Variants in C1orf94 observed in about 807,000 individuals in gnomAD.
C1orf94 encodes the protein uncharacterized protein C1orf94.
A neutral mutation model predicts 53.6 loss-of-function variants in C1orf94; 45 were observed. The observed-to-expected ratio is 0.84, with a 90% CI of 0.66 to 1.08. C1orf94 has a LOEUF of 1.08. Ranked by LOEUF, C1orf94 falls within the 50% of genes least tolerant of loss-of-function variation. C1orf94 has a pLI of 0.00. For synonymous variants in C1orf94, 304 were observed against 296.1 expected (o/e 1.03, Z -0.27); for missense variants, 762 against 738.9 (o/e 1.03, Z -0.36).
chr1:34,180,434 G>A (rs72667783), intron 1 of C1orf94, among the ~76,000 whole-genome samples: 10,395 of 152,198 alleles, frequency 0.068, 546 homozygotes, highest in South Asian at 0.11. Context: ...GTGCCATTCT[G>A]GTTTCAATTG....
chr1:34,212,893 C>T (rs1350891454), intron 6 of C1orf94, among the ~76,000 whole-genome samples: 1 of 152,192 alleles, frequency 6.6e-6, no homozygotes, highest in Non-Finnish European at 1.5e-5. Flanking sequence ...GCTGCCCACA[C>T]TTTTCCACCA....
At chr1:34,213,563 G>A (rs1307682001) in intron 6 of C1orf94, among the ~76,000 whole-genome samples, 3 of 151,934 alleles carry the variant, frequency 2.0e-5, no homozygotes, top group East Asian at 1.9e-4. Flanking sequence ...TTTTTGAGAT[G>A]GAGTTTCACC....
chr1:34,213,978 C>G (rs964239177), intron 6 of C1orf94, among the ~76,000 whole-genome samples: 1 of 152,118 alleles, frequency 6.6e-6, no homozygotes, highest in Non-Finnish European at 1.5e-5. Flanking sequence ...CTAACACACC[C>G]AGGGAAACGC....
chr1:34,194,610 T>A (rs971886935), intron 1 of C1orf94, among the ~76,000 whole-genome samples: 7 of 152,182 alleles, frequency 4.6e-5, no homozygotes, highest in African/African-American at 1.2e-4. Context: ...TTAGCAATGA[T>A]TAACATATGG....
At chr1:34,215,954 C>T (rs980377953) in intron 6 of C1orf94, among the ~76,000 whole-genome samples, 9 of 152,076 alleles carry the variant, frequency 5.9e-5, no homozygotes, top group Non-Finnish European at 1.2e-4. Flanking sequence ...TGCAGTGAGC[C>T]GAGATCATGC....
chr1:34,174,650 T>G (rs1379509894), upstream of C1orf94, among the ~76,000 whole-genome samples: 2 of 152,202 alleles, frequency 1.3e-5, no homozygotes, highest in Non-Finnish European at 2.9e-5. Context: ...CACAGCCAAG[T>G]GCAAGCCAGC....
intron 6 of C1orf94, among the ~76,000 whole-genome samples, chr1:34,213,269 A>G (rs1312361165): frequency 6.6e-6 from 1 of 152,120 alleles, no homozygotes; most frequent in African/African-American, 2.4e-5. Context: ...CCCATCACAG[A>G]ACCTTCCCTG....
At chr1:34,216,139 T>G (rs531654313) in intron 6 of C1orf94, among the ~76,000 whole-genome samples, 2 of 152,080 alleles carry the variant, frequency 1.3e-5, no homozygotes, top group African/African-American at 4.8e-5. Context: ...ATTAGACAGA[T>G]GGGTGGAGCT....
At chr1:34,185,103 C>T (rs1642366067) in intron 1 of C1orf94, among the ~76,000 whole-genome samples, 1 of 152,202 alleles carries the variant, frequency 6.6e-6, no homozygotes, top group South Asian at 2.1e-4. Flanking sequence ...CCCCGTGGGC[C>T]ACAAGTTGGA....
chr1:34,193,037 C>T (rs539903127), intron 1 of C1orf94, among the ~76,000 whole-genome samples: 205 of 152,166 alleles, frequency 1.3e-3, no homozygotes, highest in African/African-American at 4.7e-3. Context: ...TCTGCAGGCA[C>T]GTAGTTTTCT....
Position 34,200,983 on chromosome 1 carries a change from G to C in C1orf94, c.1221G>C (p.Gly407=). ...EFLGATKNPS[G]QPRLRNKVEV... ...TTGGGGCCACCAAGAACCCAAGCGG[G>C]CAGCCGAGACTTCGAAACAAAGTGG... is the stretch of plus-strand genomic sequence containing the variant. The change falls in exon 3 of 7, where the codon GGG becomes GGC. Residue 407 remains glycine, a synonymous_variant. Coordinates refer to ENST00000488417, the MANE Select transcript of C1orf94 (RefSeq NM_001134734.2). 1.9e-6 allele frequency: 3 copies of C among 1,612,850 alleles called. No individual in the cohort carries two copies. Among genetic ancestry groups the C allele is most frequent in the Non-Finnish European group, 2.5e-6 (3 of 1,179,426 alleles).
intron 1 of C1orf94, among the ~76,000 whole-genome samples, chr1:34,171,153 G>T (rs1027618258): frequency 3.3e-5 from 5 of 152,044 alleles, no homozygotes; most frequent in Non-Finnish European, 7.3e-5. Flanking sequence ...CCCATCATCT[G>T]TCCCTGCCAG....
At chr1:34,187,769 A>ACCCCCCCCCCCC (rs1304813112) in intron 1 of C1orf94, among the ~76,000 whole-genome samples, 1 of 42,056 alleles carries the variant, frequency 2.4e-5, no homozygotes, top group Non-Finnish European at 4.4e-5. Context: ...GAATCCACCC[A>ACCCCCCCCCCCC]CCCCCCCCCC....
Position 34,197,720 on chromosome 1 carries a change from C to G in C1orf94, c.816C>G (p.Asp272Glu). ...KTRVTKDFLQ[D>E]NLFSGPGPKE... is the part of the protein sequence containing the mutation. ...GGGTCACCAAGGACTTCCTACAGGACAACCTGTTCAGTGGCCCTGGACCCA... is the reference window on the plus strand; with the variant it reads ...GGGTCACCAAGGACTTCCTACAGGAGAACCTGTTCAGTGGCCCTGGACCCA... Residue 272 changes from aspartate (D) to glutamate (E), a missense_variant, in exon 2 of 7, where the codon GAC becomes GAG. Physicochemically the swap from Asp to Glu is conservative, Grantham distance 45. Transcript: ENST00000488417. This position sits in a 1 kb window ranked among gnomAD's most constrained non-coding sequence, Gnocchi z 4.1. 1 of 1,614,176 alleles carries G rather than the reference C, an allele frequency of 6.2e-7. No individual in the cohort carries two copies. The highest frequency in any genetic ancestry group is 8.5e-7 in the Non-Finnish European group (1 of 1,180,020).
At chr1:34,196,306 T>G (rs1613123) in intron 1 of C1orf94, among the ~76,000 whole-genome samples, 53,464 of 152,014 alleles carry the variant, frequency 0.35, 11,519 homozygotes, top group African/African-American at 0.61. Context: ...GACCAGCAAG[T>G]GTGCAGCGGA....
intron 1 of C1orf94, among the ~76,000 whole-genome samples, chr1:34,182,374 AT>A (rs1457374015): frequency 3.9e-5 from 6 of 152,150 alleles, no homozygotes; most frequent in Admixed American, 3.3e-4. Context: ...TTCAGATTTT[AT>A]TCCACATGTT....
At chr1:34,175,263 G>A (rs1043759002), upstream of C1orf94, among the ~76,000 whole-genome samples, 7 of 151,388 alleles carry the variant, frequency 4.6e-5, no homozygotes, top group Non-Finnish European at 8.8e-5. Context: ...GAGGGGGAGA[G>A]GGAACAGGAA....
chr1:34,172,407 C>T (rs1054666166), upstream of C1orf94, among the ~76,000 whole-genome samples: 30 of 152,180 alleles, frequency 2.0e-4, no homozygotes, highest in African/African-American at 7.0e-4. Context: ...TTACCATAAG[C>T]CAGGCACTGT....
At position 34,197,503 on chromosome 1, in the gene C1orf94, G is replaced by A. The variant is rs1179653454; in HGVS notation, c.599G>A (p.Cys200Tyr). The part of the protein sequence containing the change: ...AMPVISSRQD[C>Y]DSATSTVTDI... The stretch of plus-strand genomic sequence containing the variant: ...CCCGTTATCAGCAGCAGGCAGGACT[G>A]TGATTCTGCCACTTCTACTGTCACA... The change falls in exon 2 of 7, where the codon TGT (cysteine) becomes TAT (tyrosine). Residue 200 changes from cysteine (C) to tyrosine (Y), a missense_variant. Cys to Tyr is a radical substitution (Grantham distance 194). Transcript: ENST00000488417. The surrounding 1 kb of genome is among the most constrained non-coding windows in gnomAD (Gnocchi z 4.1). 3.1e-6 allele frequency: 5 copies of A among 1,614,148 alleles called. No individual in the cohort carries two copies. Among genetic ancestry groups the A allele is most frequent in the Non-Finnish European group, 4.2e-6 (5 of 1,180,022 alleles).
Sources: allele counts gnomAD v4.1 joint callset (sites outside exome capture counted in the v4.1 genomes callset), GRCh38; gene constraint gnomAD v4.1.1; non-coding constraint Gnocchi (gnomAD v3.1); transcripts MANE v1.5; gene names NCBI Gene and HGNC (gene_info 2026-07-23, HGNC 2026-07-21).